LPP: variants seen among roughly 807,000 people sequenced by gnomAD.
LPP encodes the protein LIM domain containing preferred translocation partner in lipoma, also known as lipoma-preferred partner.
A neutral mutation model predicts 60.4 loss-of-function variants in LPP; 38 were observed. The ratio of observed to expected loss-of-function variants is 0.63; its 90% CI spans 0.49 to 0.83. The LOEUF (loss-of-function observed/expected upper bound fraction) is 0.83. Among genes scored for constraint, LPP ranks in the 40% least tolerant of loss-of-function variants. The pLI is 0.00. For synonymous variants in LPP, 328 were observed against 290.8 expected (o/e 1.13, Z -1.30); for missense variants, 902 against 783.6 (o/e 1.15, Z -1.80).
intron 9 of LPP, among the ~76,000 whole-genome samples, chr3:188,840,301 A>G (rs1449975440): frequency 1.3e-5 from 2 of 152,214 alleles, no homozygotes; most frequent in Non-Finnish European, 2.9e-5. Flanking sequence ...ACTGGAAGCT[A>G]TGTTTTACCT....
chr3:188,499,721 T>C (rs1811279816), intron 5 of LPP, among the ~76,000 whole-genome samples: 3 of 152,200 alleles, frequency 2.0e-5, no homozygotes, highest in Non-Finnish European at 4.4e-5. Context: ...TTAGTTATAT[T>C]AAGTCTTGCA....
At chr3:188,574,836 T>C (rs993828013) in intron 6 of LPP, among the ~76,000 whole-genome samples, 2 of 152,040 alleles carry the variant, frequency 1.3e-5, no homozygotes, top group Admixed American at 6.6e-5. Context: ...AGTGATACCC[T>C]CCTCCTGAAA....
intron 8 of LPP, among the ~76,000 whole-genome samples, chr3:188,756,605 G>A (rs1009578852): frequency 6.6e-6 from 1 of 152,132 alleles, no homozygotes; most frequent in African/African-American, 2.4e-5. Flanking sequence ...TCTCCCTAAA[G>A]GACACAGTTT....
intron 2 of LPP, among the ~76,000 whole-genome samples, chr3:188,325,687 G>C (rs1258804037): frequency 6.6e-6 from 1 of 152,082 alleles, no homozygotes; most frequent in African/African-American, 2.4e-5. Context: ...ACACTGTATG[G>C]TAAATTAAAT....
chr3:188,687,253 C>A (rs933632695), intron 7 of LPP, among the ~76,000 whole-genome samples: 2 of 152,190 alleles, frequency 1.3e-5, no homozygotes, highest in Non-Finnish European at 1.5e-5. Flanking sequence ...CTCTCTCCCC[C>A]ACCCTGGTAT....
chr3:188,710,724 T>G (rs1282443867), intron 8 of LPP: 1 of 151,974 alleles, frequency 6.6e-6, no homozygotes, highest in Non-Finnish European at 1.5e-5. Flanking sequence ...ACCAAGTATA[T>G]ATGCTTCAAA....
intron 7 of LPP, among the ~76,000 whole-genome samples, chr3:188,702,984 C>T (rs1402213176): frequency 2.0e-5 from 3 of 152,100 alleles, no homozygotes; most frequent in Admixed American, 6.5e-5. Flanking sequence ...TTTTAAGCAG[C>T]GGTACCTCTA....
At chr3:188,512,444 C>T (rs1188885431) in intron 5 of LPP, among the ~76,000 whole-genome samples, 11 of 150,836 alleles carry the variant, frequency 7.3e-5, no homozygotes, top group African/African-American at 2.2e-4. Context: ...CCTAGCTACT[C>T]GGGAGGCTTA....
At position 188,627,352 on chromosome 3, in the gene LPP, A is replaced by C. The variant is rs544583057; in HGVS notation, c.1113+17508A>C. Reference sequence around the variant, plus strand: ...CCCACTTAAAGGACACCGAGTGTCAAATTGGATGAAGGAGCAAGGCCCAAC... The same window carrying C: ...CCCACTTAAAGGACACCGAGTGTCACATTGGATGAAGGAGCAAGGCCCAAC... On this transcript the variant is annotated intron_variant, in intron 7 of 11. Transcript: ENST00000617246. Among the ~76,000 whole-genome samples, 5 of 152,302 alleles carry C rather than the reference A, an allele frequency of 3.3e-5. No homozygotes were observed. The South Asian group carries it at 1.0e-3, about 32-fold the overall frequency.
At chr3:188,802,224 T>C (rs975793926) in intron 9 of LPP, among the ~76,000 whole-genome samples, 2 of 152,204 alleles carry the variant, frequency 1.3e-5, no homozygotes, top group Admixed American at 1.3e-4. Context: ...TCATAGAGCA[T>C]ATTATTTATA....
At chr3:188,775,689 T>G (rs1353774678) in intron 9 of LPP, among the ~76,000 whole-genome samples, 1 of 152,210 alleles carries the variant, frequency 6.6e-6, no homozygotes, top group Non-Finnish European at 1.5e-5. Flanking sequence ...TTCCATAAAG[T>G]GCTTTTTGTC....
chr3:188,446,708 T>A (rs921901180), intron 4 of LPP, among the ~76,000 whole-genome samples: 1 of 152,190 alleles, frequency 6.6e-6, no homozygotes, highest in African/African-American at 2.4e-5. Context: ...AGCTCCTGCT[T>A]TCTTCAAAAA....
At position 188,194,852 on chromosome 3, in the gene LPP, C is replaced by T. The variant is rs148090407; in HGVS notation, c.-189-30553C>T. 3.2e-3 allele frequency among the ~76,000 whole-genome samples: 480 copies of T among 152,064 alleles called. 2 individuals carry two copies. Among genetic ancestry groups the T allele is most frequent in the African/African-American group, 0.011 (462 of 41,448 alleles). ...ATTTGCAGAGTTAAGAGTTATATAC[C>T]CGTCTATGGTAGAAAACACAGGTTC... On this transcript the variant is annotated intron_variant, in intron 1 of 11. Transcript: ENST00000617246.
intron 4 of LPP, among the ~76,000 whole-genome samples, chr3:188,471,873 A>T (rs73052747): frequency 6.6e-6 from 1 of 152,230 alleles, no homozygotes; most frequent in Non-Finnish European, 1.5e-5. Flanking sequence ...AGGCAGCTTC[A>T]TGAGGCTTCT....
chr3:188,701,690 T>A (rs560096965), intron 7 of LPP, among the ~76,000 whole-genome samples: 1 of 151,760 alleles, frequency 6.6e-6, no homozygotes, highest in African/African-American at 2.4e-5. Flanking sequence ...TTAGTAAACA[T>A]CAGTCCTTTT....
intron 7 of LPP, among the ~76,000 whole-genome samples, chr3:188,692,775 G>A (rs1034581130): frequency 7.2e-5 from 11 of 152,170 alleles, no homozygotes; most frequent in African/African-American, 2.7e-4. Context: ...TGTAGTTTTT[G>A]TGTTAGAAGC....
chr3:188,176,226 T>G (rs1722997976), intron 1 of LPP, among the ~76,000 whole-genome samples: 1 of 152,182 alleles, frequency 6.6e-6, no homozygotes, highest in Non-Finnish European at 1.5e-5. Context: ...TGAATTTTCA[T>G]TTCTAAGAAG....
At chr3:188,391,462 G>A (rs563596268) in intron 3 of LPP, among the ~76,000 whole-genome samples, 3 of 152,198 alleles carry the variant, frequency 2.0e-5, no homozygotes, top group African/African-American at 7.2e-5. Flanking sequence ...AGGATCTTGA[G>A]GGAGTTTGTA....
intron 6 of LPP, among the ~76,000 whole-genome samples, chr3:188,604,265 G>T (rs1176374438): frequency 6.6e-6 from 1 of 152,036 alleles, no homozygotes; most frequent in Admixed American, 6.6e-5. Context: ...TTGAATTTCT[G>T]GGATTTGTGG....
Sources: allele counts gnomAD v4.1 joint callset (sites outside exome capture counted in the v4.1 genomes callset), GRCh38; gene constraint gnomAD v4.1.1; transcripts MANE v1.5; gene names NCBI Gene and HGNC (gene_info 2026-07-23, HGNC 2026-07-21).